The following NUBPL variants were observed in gnomAD, a reference collection of about 807,000 sequenced individuals.
NUBPL encodes the protein NUBP iron-sulfur cluster assembly factor, mitochondrial, also known as iron-sulfur cluster transfer protein NUBPL.
A neutral mutation model predicts 45.7 loss-of-function variants in NUBPL; 31 were observed. The ratio of observed to expected loss-of-function variants is 0.68; its 90% CI spans 0.51 to 0.92. NUBPL has a LOEUF of 0.92. Among genes scored for constraint, NUBPL ranks in the 40% least tolerant of loss-of-function variants. NUBPL has a pLI of 0.00. For missense variants in NUBPL, 401 were observed against 398.7 expected (o/e 1.01, Z -0.05); for synonymous variants, 144 against 140.9 (o/e 1.02, Z -0.15).
chr14:31,573,119 C>T (rs1001120382), intron 3 of NUBPL, among the ~76,000 whole-genome samples: 19 of 152,244 alleles, frequency 1.2e-4, no homozygotes, highest in African/African-American at 4.3e-4. Context: ...TTTGTTTACA[C>T]CAACATCACC....
intron 4 of NUBPL, among the ~76,000 whole-genome samples, chr14:31,658,572 A>G (rs4981875): frequency 1 from 151,517 of 151,824 alleles, 75,606 homozygotes; most frequent in Middle Eastern, 1. Flanking sequence ...GAGTGCAGTG[A>G]CGTGATTTCA....
At chr14:31,788,086 T>G (rs1460202526) in intron 7 of NUBPL, among the ~76,000 whole-genome samples, 1 of 152,072 alleles carries the variant, frequency 6.6e-6, no homozygotes, top group Non-Finnish European at 1.5e-5. Flanking sequence ...CTAGGAAGAG[T>G]GAAGTCTGTG....
chr14:31,813,948 G>A (rs28788900), intron 7 of NUBPL, among the ~76,000 whole-genome samples: 61,815 of 152,064 alleles, frequency 0.41, 13,843 homozygotes, highest in East Asian at 0.61. Context: ...TGGGCATTTC[G>A]GTTGGTTCCA....
chr14:31,653,199 T>C (rs1432936698), intron 4 of NUBPL, among the ~76,000 whole-genome samples: 2 of 152,210 alleles, frequency 1.3e-5, no homozygotes, highest in Non-Finnish European at 2.9e-5. Flanking sequence ...TGGTCAGCTG[T>C]GCACGTATTG....
intron 8 of NUBPL, among the ~76,000 whole-genome samples, chr14:31,839,891 ATATCCCCTCATACCTGTTAGAATAGCTAT>A (rs559585081): frequency 6.6e-4 from 101 of 152,320 alleles, no homozygotes; most frequent in African/African-American, 1.8e-3. Flanking sequence ...CCACAATGAG[ATATCCCCTCATACCTGTTAGAATAGCTAT>A]TATCCCCTCA....
At chr14:31,626,960 A>T (rs973559839) in intron 4 of NUBPL, among the ~76,000 whole-genome samples, 1 of 152,078 alleles carries the variant, frequency 6.6e-6, no homozygotes, top group African/African-American at 2.4e-5. Flanking sequence ...AATCATCTAC[A>T]CTGCTTGTTA....
intron 8 of NUBPL, among the ~76,000 whole-genome samples, chr14:31,827,305 A>T (rs1444227204): frequency 6.6e-6 from 1 of 152,066 alleles, no homozygotes; most frequent in Non-Finnish European, 1.5e-5. Flanking sequence ...CAGCCAAAGG[A>T]AAAGAAAAAT....
intron 4 of NUBPL, among the ~76,000 whole-genome samples, chr14:31,657,777 G>A (rs998152360): frequency 1.3e-5 from 2 of 152,110 alleles, no homozygotes; most frequent in African/African-American, 4.8e-5. Flanking sequence ...TCATGGGTAT[G>A]TATTGCTAGT....
chr14:31,673,390 G>T lies in NUBPL; in HGVS notation c.418G>T (p.Ala140Ser). Residue 140 changes from alanine (A) to serine (S), a missense_variant, in exon 5 of 11, where the codon GCT (alanine) becomes TCT (serine). Ala to Ser is a moderately conservative substitution (Grantham distance 99). Transcript: ENST00000281081. ...GAGGCCTCTCTTGAATTATGGTATT[G>T]CTTGGTGAGCATATATATATTTTTA... ...LMRPLLNYGIACMSMGFLVEE... is the reference protein window; with the variant it reads ...LMRPLLNYGISCMSMGFLVEE... The T allele has an allele frequency of 6.2e-7, 1 of 1,604,566 alleles. No individual in the cohort carries two copies. The highest frequency in any genetic ancestry group is 1.1e-5 in the South Asian group (1 of 90,654).
At chr14:31,562,305 AATTT>A in intron 2 of NUBPL, 90 bp downstream of exon 2, 1 of 1,274,014 alleles carries the variant, frequency 7.8e-7, no homozygotes, top group Non-Finnish European at 1.1e-6. Flanking sequence ...GTGTTTTAAA[AATTT>A]ATTTGTGAAG....
intron 4 of NUBPL, 147 bp from the exon 5 acceptor site, chr14:31,673,208 G>A: frequency 1.5e-6 from 1 of 651,042 alleles, no homozygotes; most frequent in Non-Finnish European, 2.7e-6. Context: ...ATGTAGACAT[G>A]TATCATAACA....
chr14:31,771,460 A>G lies in NUBPL; in HGVS notation c.514-16320A>G, dbSNP rs370128388. Among the ~76,000 whole-genome samples, 8 of 152,336 alleles carry G rather than the reference A, an allele frequency of 5.3e-5. 1 individual carries two copies. The East Asian group carries it at 7.7e-4, about 15-fold the overall frequency. Reference sequence around the variant, plus strand: ...TCCTACACTGAAGAAGTAATATAATAAAGCTCCTATGTTCTTGAGGTTATG... The same window carrying G: ...TCCTACACTGAAGAAGTAATATAATGAAGCTCCTATGTTCTTGAGGTTATG... On this transcript the variant is annotated intron_variant, in intron 6 of 10. Transcript: ENST00000281081.
At chr14:31,667,543 C>G (rs1005154459) in intron 4 of NUBPL, among the ~76,000 whole-genome samples, 2 of 151,954 alleles carry the variant, frequency 1.3e-5, no homozygotes, top group Non-Finnish European at 2.9e-5. Context: ...CACCTTCTGC[C>G]TACTTCTGTC....
intron 6 of NUBPL, among the ~76,000 whole-genome samples, chr14:31,768,140 T>C (rs1441650955): frequency 1.3e-5 from 2 of 152,246 alleles, no homozygotes; most frequent in African/African-American, 4.8e-5. Flanking sequence ...TGGAGACCCA[T>C]CTTTTCAATG....
intron 8 of NUBPL, among the ~76,000 whole-genome samples, chr14:31,840,099 C>T (rs933659382): frequency 1.3e-5 from 2 of 152,144 alleles, no homozygotes; most frequent in Non-Finnish European, 2.9e-5. Flanking sequence ...AGTCCCACTG[C>T]TGGGAATATA....
chr14:31,623,103 A>T (rs1307721878), intron 4 of NUBPL, among the ~76,000 whole-genome samples: 1 of 152,264 alleles, frequency 6.6e-6, no homozygotes, highest in Admixed American at 6.5e-5. Context: ...GATGTGAAAC[A>T]TGGAGTCAAA....
chr14:31,693,035 T>C (rs1303287843), intron 6 of NUBPL, among the ~76,000 whole-genome samples: 1 of 152,188 alleles, frequency 6.6e-6, no homozygotes, highest in Admixed American at 6.5e-5. Context: ...AAGTTTTTAT[T>C]ACAAGTGCCA....
chr14:31,702,212 A>G (rs1163116997), intron 6 of NUBPL, among the ~76,000 whole-genome samples: 1 of 152,200 alleles, frequency 6.6e-6, no homozygotes, highest in African/African-American at 2.4e-5. Flanking sequence ...TCCCCTCAGA[A>G]TCAGTCTGTT....
chr14:31,654,401 C>A (rs1045144404), intron 4 of NUBPL, among the ~76,000 whole-genome samples: 2 of 145,736 alleles, frequency 1.4e-5, no homozygotes, highest in African/African-American at 2.5e-5. Context: ...TGGCAATTAA[C>A]TTTTTTTTTT....
Sources: allele counts gnomAD v4.1 joint callset (sites outside exome capture counted in the v4.1 genomes callset), GRCh38; gene constraint gnomAD v4.1.1; transcripts MANE v1.5; gene names NCBI Gene and HGNC (gene_info 2026-07-23, HGNC 2026-07-21).